Variants in GRM8 observed in about 807,000 individuals in gnomAD.
The protein encoded by GRM8 is glutamate metabotropic receptor 8, also known as metabotropic glutamate receptor 8.
A neutral mutation model predicts 87.2 loss-of-function variants in GRM8; 47 were observed. The ratio of observed to expected loss-of-function variants is 0.54; its 90% CI spans 0.43 to 0.69. GRM8 has a LOEUF of 0.69. Among genes scored for constraint, GRM8 ranks in the 30% least tolerant of loss-of-function variants. The pLI is 0.00. For synonymous variants in GRM8, 396 were observed against 404.5 expected (o/e 0.98, Z 0.25); for missense variants, 1,019 against 1,139.2 (o/e 0.89, Z 1.52).
intron 6 of GRM8, among the ~76,000 whole-genome samples, chr7:126,783,284 C>T (rs1190945953): frequency 2.0e-5 from 3 of 152,128 alleles, no homozygotes; most frequent in African/African-American, 7.2e-5. Context: ...AGGTTAATAT[C>T]AATGTTGTTA....
chr7:127,133,826 A>T (rs1827820460), intron 2 of GRM8, among the ~76,000 whole-genome samples: 1 of 152,144 alleles, frequency 6.6e-6, no homozygotes, highest in African/African-American at 2.4e-5. Context: ...TGAATGACAA[A>T]GTAGTCAAAA....
intron 3 of GRM8, among the ~76,000 whole-genome samples, chr7:126,952,320 G>A (rs1425534135): frequency 6.6e-6 from 1 of 151,898 alleles, no homozygotes; most frequent in African/African-American, 2.4e-5. Context: ...CTAAATAGGA[G>A]AGAAAGACAG....
At chr7:127,081,813 G>T (rs1241632206) in intron 3 of GRM8, among the ~76,000 whole-genome samples, 1 of 152,184 alleles carries the variant, frequency 6.6e-6, no homozygotes, top group Non-Finnish European at 1.5e-5. Flanking sequence ...CACCATCACG[G>T]GTGGGAGGAG....
At chr7:126,451,423 G>A (rs1181997421) in intron 9 of GRM8, among the ~76,000 whole-genome samples, 1 of 151,666 alleles carries the variant, frequency 6.6e-6, no homozygotes, top group Non-Finnish European at 1.5e-5. Context: ...GTCTCCACTG[G>A]TGTTACATTG....
intron 2 of GRM8, among the ~76,000 whole-genome samples, chr7:127,107,490 A>C (rs1216246415): frequency 6.6e-6 from 1 of 152,226 alleles, no homozygotes; most frequent in Admixed American, 6.5e-5. Flanking sequence ...GTGATTGTGT[A>C]TAGTAACTCC....
intron 7 of GRM8, among the ~76,000 whole-genome samples, chr7:126,752,444 T>C (rs902714440): frequency 6.6e-5 from 10 of 152,146 alleles, no homozygotes; most frequent in African/African-American, 1.2e-4. Context: ...TGTTCAGTAG[T>C]GTCATGTTCA....
intron 9 of GRM8, among the ~76,000 whole-genome samples, chr7:126,502,424 A>G (rs1215715076): frequency 6.6e-6 from 1 of 152,080 alleles, no homozygotes; most frequent in Non-Finnish European, 1.5e-5. Flanking sequence ...TTACAGATAG[A>G]TCCGATTGCT....
At chr7:126,702,055 A>C (rs1382608911) in intron 7 of GRM8, among the ~76,000 whole-genome samples, 4 of 152,202 alleles carry the variant, frequency 2.6e-5, no homozygotes, top group African/African-American at 9.6e-5. Context: ...TGAATATAGA[A>C]ATAATAAGCA....
intron 3 of GRM8, among the ~76,000 whole-genome samples, chr7:127,007,964 T>TGC (rs1246964585): frequency 2.0e-5 from 3 of 152,088 alleles, no homozygotes; most frequent in Admixed American, 6.6e-5. Context: ...TACCAGATCC[T>TGC]CTTAAAATTA....
intron 3 of GRM8, among the ~76,000 whole-genome samples, chr7:126,980,299 A>C (rs1170353995): frequency 6.6e-6 from 1 of 152,178 alleles, no homozygotes; most frequent in Non-Finnish European, 1.5e-5. Context: ...TTAACGATAA[A>C]CAAGTCAACA....
At chr7:126,671,878 C>CAG (rs1319419568) in intron 7 of GRM8, among the ~76,000 whole-genome samples, 1 of 152,178 alleles carries the variant, frequency 6.6e-6, no homozygotes, top group African/African-American at 2.4e-5. Flanking sequence ...GAGGAGAACT[C>CAG]AGCTCCAGTT....
intron 7 of GRM8, among the ~76,000 whole-genome samples, chr7:126,664,974 A>C (rs899542005): frequency 4.6e-5 from 7 of 152,280 alleles, no homozygotes; most frequent in Middle Eastern, 6.8e-3. Flanking sequence ...ATAAATAGAC[A>C]CTTCTTAAAA....
At chr7:126,679,821 G>A (rs559115485) in intron 7 of GRM8, among the ~76,000 whole-genome samples, 2 of 152,246 alleles carry the variant, frequency 1.3e-5, no homozygotes, top group South Asian at 4.1e-4. Context: ...CTTGAGGTCA[G>A]GAGTTTAAGA....
At chr7:126,709,133 C>T (rs902589188) in intron 7 of GRM8, among the ~76,000 whole-genome samples, 2 of 152,048 alleles carry the variant, frequency 1.3e-5, no homozygotes, top group Admixed American at 6.6e-5. Flanking sequence ...TCTGAATAGA[C>T]GTATTTCCAA....
At chr7:126,653,930 G>A (rs1454678432) in intron 7 of GRM8, among the ~76,000 whole-genome samples, 2 of 152,122 alleles carry the variant, frequency 1.3e-5, no homozygotes, top group Non-Finnish European at 1.5e-5. Flanking sequence ...TTTAATAATT[G>A]GCAGGAGATC....
At chr7:126,474,484 G>A (rs1334173704) in intron 9 of GRM8, among the ~76,000 whole-genome samples, 1 of 152,102 alleles carries the variant, frequency 6.6e-6, no homozygotes, top group Non-Finnish European at 1.5e-5. Context: ...GCCCAGGCTG[G>A]TCTTGAATTC....
intron 3 of GRM8, among the ~76,000 whole-genome samples, chr7:127,004,978 C>T (rs530875688): frequency 4.6e-5 from 7 of 150,866 alleles, no homozygotes; most frequent in African/African-American, 7.3e-5. Context: ...CTAATCATTA[C>T]GAAAGAGGAA....
intron 6 of GRM8, among the ~76,000 whole-genome samples, chr7:126,841,949 A>G (rs1289128788): frequency 6.6e-5 from 10 of 152,156 alleles, no homozygotes; most frequent in African/African-American, 2.4e-4. Context: ...TTATTTTCAA[A>G]CAAATGTTGT....
At position 126,835,183 on chromosome 7, in the gene GRM8, A is replaced by C. The variant is rs528405377; in HGVS notation, c.1157-65118T>G. ...GTAGCGTATTTCCCTACAAAAATTCAAGTTGTCCTTTAAATACAAATACAT... is the reference window on the plus strand; with the variant it reads ...GTAGCGTATTTCCCTACAAAAATTCCAGTTGTCCTTTAAATACAAATACAT... On this transcript the variant is annotated intron_variant, in intron 6 of 10. Coordinates refer to ENST00000339582, the MANE Select transcript of GRM8 (RefSeq NM_000845.3). Among the ~76,000 whole-genome samples the C allele has an allele frequency of 1.7e-3, 259 of 152,332 alleles. 12 individuals are homozygous for C. In the South Asian group the frequency reaches 0.052, roughly 30 times the overall value.
Sources: allele counts gnomAD v4.1 joint callset (sites outside exome capture counted in the v4.1 genomes callset), GRCh38; gene constraint gnomAD v4.1.1; transcripts MANE v1.5; gene names NCBI Gene and HGNC (gene_info 2026-07-23, HGNC 2026-07-21).